RPS6KA1: variants seen among roughly 807,000 people sequenced by gnomAD.
RPS6KA1 encodes the protein ribosomal protein S6 kinase A1.
A neutral mutation model predicts 91.3 loss-of-function variants in RPS6KA1; 48 were observed. The observed-to-expected ratio is 0.53, with a 90% CI of 0.42 to 0.67. RPS6KA1 has a LOEUF of 0.67. Among genes scored for constraint, RPS6KA1 ranks in the 30% least tolerant of loss-of-function variants. RPS6KA1 has a pLI of 0.00. For missense variants in RPS6KA1, 719 were observed against 960.5 expected (o/e 0.75, Z 3.32); for synonymous variants, 359 against 384.7 (o/e 0.93, Z 0.78).
At position 26,546,992 on chromosome 1, in the gene RPS6KA1, T is replaced by G; in HGVS notation, c.225+9T>G. ...AGGGATCCTTTGGCAAAGTGAGTCA[T>G]GAGCCCATAGCTGTGAAGGCAACAC... On this transcript the variant is annotated intron_variant, in intron 3 of 21. Transcript: ENST00000374168. 6.2e-7 allele frequency: 1 copy of G among 1,608,542 alleles called. No individual in the cohort carries two copies. Among genetic ancestry groups the G allele is most frequent in the Non-Finnish European group, 8.5e-7 (1 of 1,174,942 alleles).
At position 26,571,314 on chromosome 1, in the gene RPS6KA1, C is replaced by G. The variant is rs1467234609; in HGVS notation, c.1591-135C>G. ...ATAAGACCATCATTTCAGCCCCTTC[C>G]CCTTCTCTCGGATGCCAAGTCCATG... is the stretch of plus-strand genomic sequence containing the variant. On this transcript the variant is annotated intron_variant, in intron 17 of 21. Transcript: ENST00000374168. This position sits in a 1 kb window ranked among gnomAD's most constrained non-coding sequence, Gnocchi z 5.1. 4 of 757,500 alleles carry G rather than the reference C, an allele frequency of 5.3e-6. No individual in the cohort carries two copies. In the Admixed American group the frequency reaches 1.0e-4, roughly 19 times the overall value. 46.9% of individuals were successfully genotyped at this position (757,500 alleles called of 1,614,324 possible).
intron 2 of RPS6KA1, among the ~76,000 whole-genome samples, chr1:26,539,865 G>A (rs2075934177): frequency 6.6e-6 from 1 of 152,178 alleles, no homozygotes; most frequent in African/African-American, 2.4e-5. Flanking sequence ...CTCCGGAGCT[G>A]GACCCCTTTG....
At chr1:26,552,537 A>T (rs1223817539) in intron 6 of RPS6KA1, among the ~76,000 whole-genome samples, 3 of 123,970 alleles carry the variant, frequency 2.4e-5, no homozygotes, top group Admixed American at 9.6e-5. Context: ...CCCAGGCTGG[A>T]GTGCACTGGT....
In RPS6KA1 at chr1:26,561,259, C is replaced by T; in HGVS notation, c.1431+125C>T. On this transcript the variant is annotated intron_variant, in intron 16 of 21. Coordinates refer to ENST00000374168, the MANE Select transcript of RPS6KA1 (RefSeq NM_002953.4). The surrounding 1 kb of genome is among the most constrained non-coding windows in gnomAD (Gnocchi z 5.7). Reference sequence around the variant, plus strand: ...TGGTCATGTGGAGGGGAAGGAGGTCCCTTGGTCCCTTCAGTCTGCCCATAC... The same window carrying T: ...TGGTCATGTGGAGGGGAAGGAGGTCTCTTGGTCCCTTCAGTCTGCCCATAC... The T allele has an allele frequency of 1.0e-6, 1 of 1,001,938 alleles. No homozygotes were observed. The highest frequency in any genetic ancestry group is 1.5e-6 in the Non-Finnish European group (1 of 665,830). 62.1% of individuals were successfully genotyped at this position (1,001,938 alleles called of 1,614,324 possible). A position where few individuals can be genotyped will look rare whatever the true frequency, so the allele number is the denominator to read the frequency against.
intron 21 of RPS6KA1, among the ~76,000 whole-genome samples, chr1:26,573,804 G>A (rs532224605): frequency 6.6e-6 from 1 of 152,120 alleles, no homozygotes; most frequent in Non-Finnish European, 1.5e-5. Context: ...CAGGTGTGGT[G>A]GCAAGCGCCT....
chr1:26,573,391 TG>T (rs764689909), intron 21 of RPS6KA1, 30 bp downstream of exon 21: 3 of 1,613,454 alleles, frequency 1.9e-6, no homozygotes, highest in African/African-American at 1.3e-5. Flanking sequence ...GCTGGGCATC[TG>T]GGGGGTCAGC....
chr1:26,561,664 G>T lies in RPS6KA1; in HGVS notation c.1590+1G>T. ...TGTGGAGTATCTGCACTCACAGGGGGTGAGTCTGGATTCGGGGAGGCAGTA... is the reference window on the plus strand; with the variant it reads ...TGTGGAGTATCTGCACTCACAGGGGTTGAGTCTGGATTCGGGGAGGCAGTA... On this transcript the variant is annotated splice_donor_variant, in intron 17 of 21. Transcript: ENST00000374168. LOFTEE classifies it high-confidence loss of function. This position sits in a 1 kb window ranked among gnomAD's most constrained non-coding sequence, Gnocchi z 5.7. 1 of 1,597,386 alleles carries T rather than the reference G, an allele frequency of 6.3e-7. No homozygotes were observed. The highest frequency in any genetic ancestry group is 8.5e-7 in the Non-Finnish European group (1 of 1,169,810).
Position 26,560,586 on chromosome 1 carries a change from G to C in RPS6KA1, c.1216-140G>C, listed in dbSNP as rs573400139. ...CAGAGAGGGGCAGGCTGTCACCTGC[G>C]GTCACATGGCCAACACTCTACCCCA... On this transcript the variant is annotated intron_variant, in intron 14 of 21. Coordinates refer to ENST00000374168, the MANE Select transcript of RPS6KA1 (RefSeq NM_002953.4). 1.1e-4 allele frequency: 118 copies of C among 1,034,388 alleles called. No individual in the cohort carries two copies. The South Asian group carries it at 1.8e-3, about 16-fold the overall frequency. The allele number at this position is 1,034,388 out of a possible 1,614,324, so 64.1% of individuals were successfully genotyped here.
At chr1:26,534,398 G>T (rs1221579581) in intron 1 of RPS6KA1, among the ~76,000 whole-genome samples, 1 of 152,124 alleles carries the variant, frequency 6.6e-6, no homozygotes, top group Non-Finnish European at 1.5e-5. Context: ...AGAGAGGAGG[G>T]AGGAAAGAAC....
intron 2 of RPS6KA1, chr1:26,545,799 GC>G (rs1242305452): frequency 2.1e-6 from 3 of 1,405,162 alleles, no homozygotes; most frequent in East Asian, 2.9e-5. Flanking sequence ...GCCAGGCCCA[GC>G]CCCCGCCCTT....
Position 26,547,061 on chromosome 1 carries a change from A to G in RPS6KA1, c.225+78A>G. 1.3e-6 allele frequency: 2 copies of G among 1,522,872 alleles called. No homozygotes were observed. Among genetic ancestry groups the G allele is most frequent in the East Asian group, 2.3e-5 (1 of 44,406 alleles). 94.3% of individuals were successfully genotyped at this position (1,522,872 alleles called of 1,614,324 possible). On this transcript the variant is annotated intron_variant, in intron 3 of 21. Transcript: ENST00000374168. This position sits in a 1 kb window ranked among gnomAD's most constrained non-coding sequence, Gnocchi z 4.1. ...GGGTCAAGGGTCACCTAGGGGCCCA[A>G]AGGATCAGAGGTCACCTTGGTACCC...
At chr1:26,573,950 A>AG (rs2076273218) in intron 21 of RPS6KA1, 129 bp from the exon 22 acceptor site, 6 of 1,074,724 alleles carry the variant, frequency 5.6e-6, no homozygotes, top group Non-Finnish European at 6.6e-6. Flanking sequence ...AAAAAAAAAA[A>AG]CAACAAAAAC....
Position 26,555,444 on chromosome 1 carries a change from G to T in RPS6KA1, c.828-93G>T. ...AGTGAATTAGTGGATGGCTTGTCTAGACTGAGCTGGGAACTAGATCTGGAC... is the reference window on the plus strand; with the variant it reads ...AGTGAATTAGTGGATGGCTTGTCTATACTGAGCTGGGAACTAGATCTGGAC... On this transcript the variant is annotated intron_variant, in intron 10 of 21. Coordinates refer to ENST00000374168, the MANE Select transcript of RPS6KA1 (RefSeq NM_002953.4). The surrounding 1 kb of genome is among the most constrained non-coding windows in gnomAD (Gnocchi z 4.3). 1.5e-6 allele frequency: 2 copies of T among 1,303,310 alleles called. No individual in the cohort carries two copies. The highest frequency in any genetic ancestry group is 2.6e-5 in the South Asian group (2 of 78,188). The allele number at this position is 1,303,310 out of a possible 1,614,324, so 80.7% of individuals were successfully genotyped here.
chr1:26,545,648 T>C (rs954029144), intron 2 of RPS6KA1, among the ~76,000 whole-genome samples: 16 of 152,196 alleles, frequency 1.1e-4, no homozygotes, highest in African/African-American at 3.6e-4. Flanking sequence ...TTTCCCTTTG[T>C]AGGCCCACAG....
Position 26,555,322 on chromosome 1 carries a change from C to T in RPS6KA1, c.827+101C>T. ...ACCCTGTCCCTGCCTCAGCTACCCTCTCTAATGAGACTCTCCTCTGGGTTA... is the reference window on the plus strand; with the variant it reads ...ACCCTGTCCCTGCCTCAGCTACCCTTTCTAATGAGACTCTCCTCTGGGTTA... On this transcript the variant is annotated intron_variant, in intron 10 of 21. Transcript: ENST00000374168. The surrounding 1 kb of genome is among the most constrained non-coding windows in gnomAD (Gnocchi z 4.3). 1 of 1,180,160 alleles carries T rather than the reference C, an allele frequency of 8.5e-7. No individual in the cohort carries two copies. Among genetic ancestry groups the T allele is most frequent in the South Asian group, 1.3e-5 (1 of 74,588 alleles). 73.1% of individuals were successfully genotyped at this position (1,180,160 alleles called of 1,614,324 possible).
Position 26,554,562 on chromosome 1 carries a change from C to A in RPS6KA1, c.614-34C>A. 6.3e-7 allele frequency: 1 copy of A among 1,593,384 alleles called. No individual in the cohort carries two copies. Among genetic ancestry groups the A allele is most frequent in the South Asian group, 1.1e-5 (1 of 89,322 alleles). On this transcript the variant is annotated intron_variant, in intron 8 of 21. Transcript: ENST00000374168. This position sits in a 1 kb window ranked among gnomAD's most constrained non-coding sequence, Gnocchi z 4.6. ...GGGTGGCAGCAAGGAAGGCAGGGGT[C>A]CTAAGGTGTGTCCTCCTGCCCTCCT...
intron 2 of RPS6KA1, among the ~76,000 whole-genome samples, chr1:26,545,335 A>ATTTTTTTT (rs35845328): frequency 1.4e-5 from 2 of 142,572 alleles, no homozygotes. Flanking sequence ...CGCCTGGCCA[A>ATTTTTTTT]TTTTTTTTTT....
At chr1:26,542,183 T>G (rs2075954061) in intron 2 of RPS6KA1, among the ~76,000 whole-genome samples, 1 of 152,222 alleles carries the variant, frequency 6.6e-6, no homozygotes, top group Admixed American at 6.5e-5. Flanking sequence ...TAGCTACCTC[T>G]CTACCTTCTT....
intron 4 of RPS6KA1, among the ~76,000 whole-genome samples, chr1:26,548,777 C>T (rs576465247): frequency 7.4e-5 from 11 of 148,364 alleles, no homozygotes; most frequent in East Asian, 2.0e-4. Flanking sequence ...CCAGCCTGGG[C>T]GATGAGAGCG....
Sources: allele counts gnomAD v4.1 joint callset (sites outside exome capture counted in the v4.1 genomes callset), GRCh38; gene constraint gnomAD v4.1.1; non-coding constraint Gnocchi (gnomAD v3.1); transcripts MANE v1.5; gene names NCBI Gene and HGNC (gene_info 2026-07-23, HGNC 2026-07-21).